TCF12: variants seen among roughly 807,000 people sequenced by gnomAD.
TCF12 encodes transcription factor 12, also known as DNA-binding protein HTF4.
Under a neutral mutation model 86.0 loss-of-function variants are expected in TCF12, and 45 were observed. The observed-to-expected ratio is 0.52, with a 90% confidence interval of 0.41 to 0.67. The LOEUF is 0.67. Among genes scored for constraint, TCF12 ranks in the 30% least tolerant of loss-of-function variants. The pLI is 0.00. For missense variants in TCF12, 881 were observed against 859.9 expected (o/e 1.02, Z -0.31); for synonymous variants, 330 against 299.6 (o/e 1.10, Z -1.05).
intron 6 of TCF12, among the ~76,000 whole-genome samples, chr15:57,169,178 T>C (rs1370165204): frequency 6.6e-6 from 1 of 152,360 alleles, no homozygotes; most frequent in East Asian, 1.9e-4. Context: ...TGACATATCA[T>C]TAAGCTAACT....
intron 5 of TCF12, among the ~76,000 whole-genome samples, chr15:57,098,424 A>G (rs764172202): frequency 2.6e-5 from 4 of 152,026 alleles, no homozygotes; most frequent in Middle Eastern, 3.4e-3. Flanking sequence ...ACCTTCCTCC[A>G]TCTTTTTTAT....
chr15:57,153,330 C>T (rs1445646455), intron 5 of TCF12, among the ~76,000 whole-genome samples: 1 of 152,142 alleles, frequency 6.6e-6, no homozygotes, highest in Non-Finnish European at 1.5e-5. Context: ...TCAACTCTGC[C>T]ATTGTAGCAC....
At chr15:56,921,244 T>G (rs540600861) in intron 3 of TCF12, 146 bp downstream of exon 3, 1 of 485,020 alleles carries the variant, frequency 2.1e-6, no homozygotes, top group Non-Finnish European at 3.2e-6. Context: ...TAAGATTTAT[T>G]AATTTTAAAA....
intron 3 of TCF12, among the ~76,000 whole-genome samples, chr15:57,002,599 A>G (rs1399525748): frequency 2.0e-5 from 3 of 152,214 alleles, no homozygotes; most frequent in Non-Finnish European, 4.4e-5. Context: ...TTATCGGTCA[A>G]GCATGTCATT....
Position 57,208,380 on chromosome 15 carries a change from C to CTTTTTTTTTTTTTT in TCF12, c.579+10561_579+10574dup, listed in dbSNP as rs1184422578. ...ACCTTGTTCTTTGGACAAAAATATC[C>CTTTTTTTTTTTTTT]TTTTTTTTTTTTTTTTTTTGGAGAC... On this transcript the variant is annotated intron_variant, in intron 8 of 20. Coordinates refer to ENST00000333725, the MANE Select transcript of TCF12 (RefSeq NM_207037.2). Among the ~76,000 whole-genome samples the CTTTTTTTTTTTTTT allele has an allele frequency of 6.9e-4, 45 of 65,586 alleles. 5 individuals are homozygous for CTTTTTTTTTTTTTT. The highest frequency in any genetic ancestry group is 1.9e-3 in the African/African-American group (28 of 14,844). 43.0% of individuals were successfully genotyped at this position (65,586 alleles called of 152,430 possible). A position where few individuals can be genotyped will look rare whatever the true frequency, so the allele number is the denominator to read the frequency against.
At chr15:57,176,809 G>A (rs879717083) in intron 6 of TCF12, among the ~76,000 whole-genome samples, 1 of 152,210 alleles carries the variant, frequency 6.6e-6, no homozygotes, top group Non-Finnish European at 1.5e-5. Flanking sequence ...AGCAGGTGCA[G>A]TAAGTAATAA....
intron 19 of TCF12, among the ~76,000 whole-genome samples, chr15:57,276,208 G>C (rs1435143902): frequency 6.6e-6 from 1 of 152,190 alleles, no homozygotes; most frequent in Admixed American, 6.5e-5. Context: ...CATAAATGGT[G>C]TTGGACAGTG....
At chr15:57,164,705 G>A (rs577384798) in intron 5 of TCF12, among the ~76,000 whole-genome samples, 182 of 151,936 alleles carry the variant, frequency 1.2e-3, no homozygotes, top group African/African-American at 4.3e-3. Context: ...GTTTTGAGAC[G>A]AGTCTCACCC....
At chr15:56,944,839 G>C (rs1258091333) in intron 3 of TCF12, among the ~76,000 whole-genome samples, 1 of 152,090 alleles carries the variant, frequency 6.6e-6, no homozygotes, top group African/African-American at 2.4e-5. Flanking sequence ...GGAGGAAGGG[G>C]TTAATTCTTC....
chr15:57,140,379 A>G (rs2052870283), intron 5 of TCF12, among the ~76,000 whole-genome samples: 1 of 152,238 alleles, frequency 6.6e-6, no homozygotes, highest in Non-Finnish European at 1.5e-5. Context: ...AGATTCATAA[A>G]GACAGATTAT....
intron 6 of TCF12, among the ~76,000 whole-genome samples, chr15:57,170,712 A>ATT (rs1491430117): frequency 8.1e-4 from 12 of 14,860 alleles, no homozygotes; most frequent in African/African-American, 2.1e-3. Flanking sequence ...TATAATATAT[A>ATT]ATATATATAT....
intron 3 of TCF12, among the ~76,000 whole-genome samples, chr15:57,004,365 G>A (rs1312533949): frequency 6.6e-6 from 1 of 151,820 alleles, no homozygotes; most frequent in African/African-American, 2.4e-5. Flanking sequence ...AGCTTCCCGA[G>A]TAGCTGGAAA....
chr15:57,127,662 A>G (rs1311462866), intron 5 of TCF12, among the ~76,000 whole-genome samples: 2 of 152,206 alleles, frequency 1.3e-5, no homozygotes, highest in Non-Finnish European at 2.9e-5. Context: ...AGTAAAAACT[A>G]TTTACCTAAT....
At chr15:57,134,510 G>A (rs1460608180) in intron 5 of TCF12, 1 of 152,110 alleles carries the variant, frequency 6.6e-6, no homozygotes, top group African/African-American at 2.4e-5. Context: ...GGTACGAAAG[G>A]CTTCTGGGAG....
intron 3 of TCF12, among the ~76,000 whole-genome samples, chr15:56,947,125 T>C (rs1042085705): frequency 1.3e-5 from 2 of 152,296 alleles, no homozygotes; most frequent in East Asian, 1.9e-4. Context: ...CTAAGAATAG[T>C]TTAGCTCTAT....
At chr15:57,240,769 C>G (rs1446837134) in intron 12 of TCF12, among the ~76,000 whole-genome samples, 1 of 148,602 alleles carries the variant, frequency 6.7e-6, no homozygotes, top group Non-Finnish European at 1.5e-5. Flanking sequence ...AGTCCCAGCT[C>G]CTTGGGAAGT....
intron 3 of TCF12, among the ~76,000 whole-genome samples, chr15:57,002,026 T>A (rs2141060149): frequency 6.6e-6 from 1 of 152,310 alleles, no homozygotes; most frequent in East Asian, 1.9e-4. Context: ...TTATAGGTAT[T>A]TTGAAGTTGA....
intron 8 of TCF12, among the ~76,000 whole-genome samples, chr15:57,201,130 A>C (rs2057523614): frequency 6.6e-6 from 1 of 152,194 alleles, no homozygotes; most frequent in South Asian, 2.1e-4. Flanking sequence ...TTGCTTTTCT[A>C]GACAGATTTA....
chr15:56,924,572 G>A (rs913151598), intron 3 of TCF12, among the ~76,000 whole-genome samples: 4 of 152,158 alleles, frequency 2.6e-5, no homozygotes, highest in Non-Finnish European at 5.9e-5. Context: ...TGAGTAGGGT[G>A]TGGTTCATAT....
Sources: allele counts gnomAD v4.1 joint callset (sites outside exome capture counted in the v4.1 genomes callset), GRCh38; gene constraint gnomAD v4.1.1; transcripts MANE v1.5; gene names NCBI Gene and HGNC (gene_info 2026-07-23, HGNC 2026-07-21).